Variants in CAPN15 observed in about 807,000 individuals in gnomAD.
The protein encoded by CAPN15 is calpain-15.
In CAPN15, 53 loss-of-function variants were observed where a neutral mutation model predicts 97.9. The observed-to-expected ratio is 0.54, with a 90% confidence interval of 0.43 to 0.68. CAPN15 has a LOEUF of 0.68. CAPN15 is among the 30% of genes least tolerant of loss of function. The pLI is 0.00. For missense variants in CAPN15, 1,592 were observed against 1,589.8 expected (o/e 1.00, Z -0.02); for synonymous variants, 922 against 722.5 (o/e 1.28, Z -4.43).
At position 552,207 on chromosome 16, in the gene CAPN15, C is replaced by T. The variant is rs772911237; in HGVS notation, c.2502C>T (p.Gly834=). The change falls in exon 10 of 14, where the codon GGC becomes GGT. Residue 834 remains glycine, a synonymous_variant. Coordinates refer to ENST00000219611, the MANE Select transcript of CAPN15 (RefSeq NM_005632.3). This position sits in a 1 kb window ranked among gnomAD's most constrained non-coding sequence, Gnocchi z 6.4. ...TGGAGTTCGCGCTCTTCCAGGAGGG[C>T]AGCAGGTGGGTGCTGCGGGGCCCCA... ...ASLEFALFQE[G]SRRSDAVDSH... is the part of the protein sequence containing the mutation. The T allele has an allele frequency of 5.5e-5, 85 of 1,533,158 alleles. 2 individuals are homozygous for T. In the South Asian group the frequency reaches 7.6e-4, roughly 14 times the overall value. The allele number at this position is 1,533,158 out of a possible 1,614,324, so 95.0% of individuals were successfully genotyped here.
rs964303091 is a variant in CAPN15 at position 549,160 on chromosome 16, G to A, written c.1617G>A (p.Leu539=). The change falls in exon 5 of 14, where the codon CTG becomes CTA. Residue 539 remains leucine, a synonymous_variant. Coordinates refer to ENST00000219611, the MANE Select transcript of CAPN15 (RefSeq NM_005632.3). ...HRATWSVFHT[L]RPSDILQGLL... ...CCACGTGGTCTGTGTTCCACACACTGCGGCCCTCAGACATCCTGCAGGGGC... is the reference window on the plus strand; with the variant it reads ...CCACGTGGTCTGTGTTCCACACACTACGGCCCTCAGACATCCTGCAGGGGC... 4 of 1,558,678 alleles carry A rather than the reference G, an allele frequency of 2.6e-6. No individual in the cohort carries two copies. The highest frequency in any genetic ancestry group is 3.5e-4 in the Middle Eastern group (2 of 5,780).
At chr16:530,388 C>G (rs1314436775) in intron 1 of CAPN15, among the ~76,000 whole-genome samples, 1 of 152,244 alleles carries the variant, frequency 6.6e-6, no homozygotes, top group South Asian at 2.1e-4. Flanking sequence ...TTCTGAATAC[C>G]TGGGTTCTGG....
chr16:539,189 C>T (rs1385632157), intron 3 of CAPN15: 1 of 152,338 alleles, frequency 6.6e-6, no homozygotes, highest in African/African-American at 2.4e-5. Flanking sequence ...CTCCTAAGCT[C>T]TACCCTGACG....
In CAPN15 at chr16:552,820, C is replaced by T. The variant is rs779722184; in HGVS notation, c.2905-43C>T. 2.9e-5 allele frequency: 44 copies of T among 1,511,404 alleles called. No individual in the cohort carries two copies. The highest frequency in any genetic ancestry group is 2.0e-4 in the Middle Eastern group (1 of 5,006). The allele number at this position is 1,511,404 out of a possible 1,614,324, so 93.6% of individuals were successfully genotyped here. A position where few individuals can be genotyped will look rare whatever the true frequency, so the allele number is the denominator to read the frequency against. ...GTGGCGTGGGGCAGGGGGAGTATGC[C>T]CCAGCACCTCCCCTGCCCCACAACT... On this transcript the variant is annotated intron_variant, in intron 12 of 13. Coordinates refer to ENST00000219611, the MANE Select transcript of CAPN15 (RefSeq NM_005632.3). This position sits in a 1 kb window ranked among gnomAD's most constrained non-coding sequence, Gnocchi z 6.4.
At chr16:543,920 C>T (rs2034339789) in intron 3 of CAPN15, among the ~76,000 whole-genome samples, 1 of 152,210 alleles carries the variant, frequency 6.6e-6, no homozygotes, top group African/African-American at 2.4e-5. Flanking sequence ...CGCTCCCCCA[C>T]ATGGATGAAG....
chr16:546,573 C>T (rs924320363), intron 3 of CAPN15, among the ~76,000 whole-genome samples: 1 of 152,238 alleles, frequency 6.6e-6, no homozygotes, highest in African/African-American at 2.4e-5. Flanking sequence ...TCAGCCCTCT[C>T]TGTAGGATCC....
At position 551,159 on chromosome 16, in the gene CAPN15, C is replaced by G. The variant is rs1362460271; in HGVS notation, c.2067-143C>G. 1.2e-3 allele frequency: 1,415 copies of G among 1,147,880 alleles called. 57 individuals carry two copies. The East Asian group carries it at 0.024, about 19-fold the overall frequency. 71.1% of individuals were successfully genotyped at this position (1,147,880 alleles called of 1,614,324 possible). ...AGGGCCCCGGTCGGTGAGGGCGCCC[C>G]GTCGGTGAGGGTCCCGGTCGGTGAG... On this transcript the variant is annotated intron_variant, in intron 7 of 13. Coordinates refer to ENST00000219611, the MANE Select transcript of CAPN15 (RefSeq NM_005632.3).
chr16:529,582 A>G (rs1298832521), intron 1 of CAPN15, among the ~76,000 whole-genome samples: 1 of 152,210 alleles, frequency 6.6e-6, no homozygotes, highest in African/African-American at 2.4e-5. Context: ...CTCCGGAACC[A>G]CAGGTGTTGT....
chr16:542,859 G>T (rs1317879123), intron 3 of CAPN15, among the ~76,000 whole-genome samples: 2 of 152,174 alleles, frequency 1.3e-5, no homozygotes, highest in African/African-American at 4.8e-5. Flanking sequence ...TTCAAGACCA[G>T]CCTGGCCAAC....
Position 552,829 on chromosome 16 carries a change from TC to T in CAPN15, c.2905-30del. ...GGCAGGGGGAGTATGCCCCAGCACC[TC>T]CCCTGCCCCACAACTGCCATTCCTG... On this transcript the variant is annotated intron_variant, in intron 12 of 13. Coordinates refer to ENST00000219611, the MANE Select transcript of CAPN15 (RefSeq NM_005632.3). The surrounding 1 kb of genome is among the most constrained non-coding windows in gnomAD (Gnocchi z 6.4). 9.6e-7 allele frequency: 1 copy of T among 1,041,118 alleles called. No homozygotes were observed. The highest frequency in any genetic ancestry group is 1.4e-6 in the Non-Finnish European group (1 of 734,998). 64.5% of individuals were successfully genotyped at this position (1,041,118 alleles called of 1,614,324 possible). A position where few individuals can be genotyped will look rare whatever the true frequency, so the allele number is the denominator to read the frequency against.
At position 552,644 on chromosome 16, in the gene CAPN15, A is replaced by T; in HGVS notation, c.2777A>T (p.Glu926Val). ...GCAGGGGTCCCGAGAGCCTCCCCAG[A>T]GCCGCCGGGCCACGTGCTGGCTGTG... Reference protein sequence around the residue: ...PSAGVPRASPEPPGHVLAVYS... With the variant: ...PSAGVPRASPVPPGHVLAVYS... The change falls in exon 12 of 14, where the codon GAG becomes GTG. Residue 926 changes from glutamate to valine, a missense_variant. This residue lies in a region of CAPN15 where 644 missense variants were observed against 699.6 expected (regional missense o/e 0.92). Coordinates refer to ENST00000219611, the MANE Select transcript of CAPN15 (RefSeq NM_005632.3). The surrounding 1 kb of genome is among the most constrained non-coding windows in gnomAD (Gnocchi z 6.4). 1 of 1,536,270 alleles carries T rather than the reference A, an allele frequency of 6.5e-7. No individual in the cohort carries two copies. Among genetic ancestry groups the T allele is most frequent in the Non-Finnish European group, 8.8e-7 (1 of 1,142,718 alleles).
Position 553,419 on chromosome 16 carries a change from C to T in CAPN15, c.3164C>T (p.Ala1055Val), listed in dbSNP as rs1423758541. ...ITHRLAHRKA[A>V]QAFLSDWTAS... is the part of the protein sequence containing the mutation. The stretch of plus-strand genomic sequence containing the variant: ...CACCGCCTGGCACATCGCAAGGCAG[C>T]CCAGGCCTTCCTCAGTGACTGGACA... The change falls in exon 14 of 14, where the codon GCC (alanine) becomes GTC (valine). Residue 1055 changes from alanine (A) to valine (V), a missense_variant. Physicochemically the swap from Ala to Val is moderately conservative, Grantham distance 64. Transcript: ENST00000219611. 2 of 1,611,084 alleles carry T rather than the reference C, an allele frequency of 1.2e-6. No homozygotes were observed. Among genetic ancestry groups the T allele is most frequent in the Non-Finnish European group, 8.5e-7 (1 of 1,179,200 alleles).
chr16:547,677 G>A lies in CAPN15; in HGVS notation c.839G>A (p.Trp280Ter). 1 of 1,588,086 alleles carries A rather than the reference G, an allele frequency of 6.3e-7. No individual in the cohort carries two copies. The highest frequency in any genetic ancestry group is 8.6e-7 in the Non-Finnish European group (1 of 1,166,456). ...AGGGGAGCCCCCCAGGGCTCGGGCT[G>A]GGCTGGGGCCTCCCGCCTAGCAGAG... ...GCRGAPQGSG[W>*]AGASRLAELL... The change falls in exon 4 of 14, where the codon TGG (tryptophan) becomes TAG (stop). Residue 280 changes from tryptophan to a stop codon, truncating the protein, a stop_gained. Transcript: ENST00000219611. LOFTEE classifies it high-confidence loss of function.
At chr16:540,791 A>G (rs1293651287) in intron 3 of CAPN15, among the ~76,000 whole-genome samples, 1 of 152,068 alleles carries the variant, frequency 6.6e-6, no homozygotes, top group Admixed American at 6.5e-5. Context: ...TGGTGGCCGA[A>G]CTCCACGTGC....
chr16:554,341 C>G lies in CAPN15; in HGVS notation c.*825C>G. 2.7e-6 allele frequency: 1 copy of G among 370,606 alleles called. No individual in the cohort carries two copies. Among genetic ancestry groups the G allele is most frequent in the South Asian group, 2.0e-5 (1 of 49,884 alleles). 23.0% of individuals were successfully genotyped at this position (370,606 alleles called of 1,614,324 possible). On this transcript the variant is annotated 3_prime_UTR_variant, in exon 14 of 14. Transcript: ENST00000219611. Reference sequence around the variant, plus strand: ...GGAGTGTGTGGACGTCTGAGCCCAGCTTTCTGCGTGCCCTCCTGGCCCCTC... The same window carrying G: ...GGAGTGTGTGGACGTCTGAGCCCAGGTTTCTGCGTGCCCTCCTGGCCCCTC...
Position 548,034 on chromosome 16 carries a change from T to C in CAPN15, c.1196T>C (p.Val399Ala). The C allele has an allele frequency of 7.0e-6, 11 of 1,563,638 alleles. No homozygotes were observed. The highest frequency in any genetic ancestry group is 9.5e-6 in the Non-Finnish European group (11 of 1,156,552). The stretch of plus-strand genomic sequence containing the variant: ...CCCTGCGGCAGAAGCTGCGGACGGG[T>C]GTCCTCGGCCCAGAAGGCCGCCCGC... ...PSPCGRSCGRVSSAQKAARVL... is the reference protein window; with the variant it reads ...PSPCGRSCGRASSAQKAARVL... The change falls in exon 4 of 14, where the codon GTG becomes GCG. Residue 399 changes from valine to alanine, a missense_variant. By Grantham distance (64) the Val-to-Ala change is moderately conservative (BLOSUM62 0). This residue lies in a region of CAPN15 where 883 missense variants were observed against 776.6 expected (regional missense o/e 1.14). Coordinates refer to ENST00000219611, the MANE Select transcript of CAPN15 (RefSeq NM_005632.3).
At chr16:537,160 A>G (rs985295836) in intron 3 of CAPN15, 2 of 985,502 alleles carry the variant, frequency 2.0e-6, no homozygotes, top group Non-Finnish European at 2.4e-6. Flanking sequence ...CCGAGCACCC[A>G]CGGGAGGGGA....
chr16:532,869 A>C (rs1360124290), intron 1 of CAPN15, among the ~76,000 whole-genome samples: 1 of 150,764 alleles, frequency 6.6e-6, no homozygotes, highest in African/African-American at 2.4e-5. Context: ...AAAAAAAAAA[A>C]ACAGGTGATG....
At chr16:550,116 T>C (rs2034885847) in intron 7 of CAPN15, among the ~76,000 whole-genome samples, 1 of 131,726 alleles carries the variant, frequency 7.6e-6, no homozygotes. Context: ...GCGTGTCGAG[T>C]TTGACCTGGG....
Sources: gnomAD v4.1 joint callset for allele counts (sites outside exome capture counted in the v4.1 genomes callset) on GRCh38, gnomAD v4.1.1 for gene constraint, gnomAD v4.1.1 regional missense constraint, Gnocchi (gnomAD v3.1) non-coding constraint, MANE v1.5 for transcripts, NCBI Gene and HGNC (gene_info 2026-07-23, HGNC 2026-07-21) for gene names.